Variants in TMEM132D observed in about 807,000 individuals in gnomAD.
TMEM132D encodes transmembrane protein 132D.
TMEM132D carries 21 observed loss-of-function variants against 62.3 expected under a neutral mutation model. The ratio of observed to expected loss-of-function variants is 0.34; its 90% confidence interval spans 0.24 to 0.49. TMEM132D has a LOEUF of 0.49. Ranked by LOEUF, TMEM132D falls within the 20% of genes least tolerant of loss-of-function variation. The pLI is 0.99. For synonymous variants in TMEM132D, 621 were observed against 575.6 expected (o/e 1.08, Z -1.13); for missense variants, 1,346 against 1,402.8 (o/e 0.96, Z 0.65).
At chr12:129,580,387 C>T (rs1877814325) in intron 2 of TMEM132D, among the ~76,000 whole-genome samples, 1 of 152,162 alleles carries the variant, frequency 6.6e-6, no homozygotes, top group Admixed American at 6.5e-5. Context: ...CCAAAGGTGT[C>T]CAACATGAAT....
chr12:129,860,669 C>T (rs1274094282), intron 1 of TMEM132D, among the ~76,000 whole-genome samples: 2 of 152,162 alleles, frequency 1.3e-5, no homozygotes, highest in African/African-American at 4.8e-5. Context: ...GCTATAAAAA[C>T]ATATCCGAGA....
At chr12:129,890,217 G>A (rs1340516386) in intron 1 of TMEM132D, among the ~76,000 whole-genome samples, 2 of 152,216 alleles carry the variant, frequency 1.3e-5, no homozygotes, top group Non-Finnish European at 2.9e-5. Context: ...CCTAGGTCCT[G>A]TTGAGCAGGT....
At chr12:129,830,312 T>A (rs1022627267) in intron 1 of TMEM132D, among the ~76,000 whole-genome samples, 1 of 152,082 alleles carries the variant, frequency 6.6e-6, no homozygotes, top group African/African-American at 2.4e-5. Context: ...AGAAGAGCTG[T>A]GAAAGGAAAA....
At position 129,779,476 on chromosome 12, in the gene TMEM132D, CTCA is replaced by C. The variant is rs1447015395; in HGVS notation, c.80-78781_80-78779del. On this transcript the variant is annotated intron_variant, in intron 1 of 8. Transcript: ENST00000422113. The surrounding 1 kb of genome is among the most constrained non-coding windows in gnomAD (Gnocchi z 4.1). Reference sequence around the variant, plus strand: ...AGCTAATATTTTGTAGAGATGAGGTCTCATCATATTGTCCCAGGCTGGTCTCAA... The same window carrying C: ...AGCTAATATTTTGTAGAGATGAGGTCTCATATTGTCCCAGGCTGGTCTCAA... 3.9e-5 allele frequency among the ~76,000 whole-genome samples: 6 copies of C among 152,110 alleles called. No homozygotes were observed. The highest frequency in any genetic ancestry group is 1.4e-4 in the African/African-American group (6 of 41,418).
At chr12:129,519,897 C>T (rs1369797524) in intron 3 of TMEM132D, among the ~76,000 whole-genome samples, 1 of 152,082 alleles carries the variant, frequency 6.6e-6, no homozygotes, top group African/African-American at 2.4e-5. Context: ...GTGTGAGCCA[C>T]CGCACCTGGC....
rs190384349 is a variant in TMEM132D, at chr12:129,127,588, G to A, written c.1444-42886C>T. 1.7e-3 allele frequency among the ~76,000 whole-genome samples: 262 copies of A among 152,148 alleles called. 2 individuals are homozygous for A. Among genetic ancestry groups the A allele is most frequent in the Non-Finnish European group, 3.4e-3 (231 of 67,992 alleles). On this transcript the variant is annotated intron_variant, in intron 5 of 8. Coordinates refer to ENST00000422113, the MANE Select transcript of TMEM132D (RefSeq NM_133448.3). ...CTCTGGGCATTCGCTAAATACAGGGGCCTTTAAAAAACACGTCTCCATTTG... is the reference window on the plus strand; with the variant it reads ...CTCTGGGCATTCGCTAAATACAGGGACCTTTAAAAAACACGTCTCCATTTG...
intron 5 of TMEM132D, among the ~76,000 whole-genome samples, chr12:129,206,279 A>G (rs1309244723): frequency 6.6e-6 from 1 of 152,226 alleles, no homozygotes; most frequent in African/African-American, 2.4e-5. Context: ...ACCCCACTGA[A>G]AAGTGAGCAA....
At chr12:129,291,036 A>C (rs1242638513) in intron 4 of TMEM132D, among the ~76,000 whole-genome samples, 1 of 152,214 alleles carries the variant, frequency 6.6e-6, no homozygotes, top group Non-Finnish European at 1.5e-5. Flanking sequence ...ATTTTCCTGG[A>C]CATGAATATT....
intron 1 of TMEM132D, among the ~76,000 whole-genome samples, chr12:129,802,177 A>G (rs1249376595): frequency 6.6e-6 from 1 of 151,572 alleles, no homozygotes; most frequent in East Asian, 1.9e-4. Context: ...AGACTCAGGA[A>G]ATACAGAGAA....
In TMEM132D at chr12:129,247,587, T is replaced by C. The variant is rs929977157; in HGVS notation, c.1300-37924A>G. 3.9e-5 allele frequency among the ~76,000 whole-genome samples: 6 copies of C among 152,340 alleles called. No individual in the cohort carries two copies. In the East Asian group the frequency reaches 1.2e-3, roughly 29 times the overall value. ...CTTCACAAAGACAGGAGACAAGACG[T>C]TGCTACAAATCATGCTGGTAAGAGT... On this transcript the variant is annotated intron_variant, in intron 4 of 8. Coordinates refer to ENST00000422113, the MANE Select transcript of TMEM132D (RefSeq NM_133448.3).
chr12:129,365,027 C>T (rs950912255), intron 3 of TMEM132D, among the ~76,000 whole-genome samples: 2 of 152,184 alleles, frequency 1.3e-5, no homozygotes, highest in African/African-American at 4.8e-5. Context: ...TCTACTCAGG[C>T]AATTCAACTG....
At chr12:129,571,953 G>C (rs1336092014) in intron 2 of TMEM132D, among the ~76,000 whole-genome samples, 1 of 152,138 alleles carries the variant, frequency 6.6e-6, no homozygotes, top group Non-Finnish European at 1.5e-5. Context: ...TGAGGATAAA[G>C]CTCAGTTGCT....
chr12:129,624,518 C>T (rs754025038), intron 2 of TMEM132D, among the ~76,000 whole-genome samples: 4 of 152,226 alleles, frequency 2.6e-5, no homozygotes, highest in Admixed American at 6.5e-5. Flanking sequence ...CATCAGAGCT[C>T]AGCTGGACCA....
intron 2 of TMEM132D, among the ~76,000 whole-genome samples, chr12:129,586,116 C>T (rs1446511083): frequency 1.3e-5 from 2 of 150,382 alleles, no homozygotes. Context: ...ATGTGTTCAC[C>T]TTAGTTCTTC....
intron 3 of TMEM132D, among the ~76,000 whole-genome samples, chr12:129,469,241 T>C (rs950957983): frequency 1.3e-5 from 2 of 152,212 alleles, no homozygotes; most frequent in African/African-American, 4.8e-5. Flanking sequence ...AATCAAGAGA[T>C]GAAAAGTGTC....
chr12:129,847,072 G>C (rs1873385986), intron 1 of TMEM132D, among the ~76,000 whole-genome samples: 1 of 152,238 alleles, frequency 6.6e-6, no homozygotes, highest in South Asian at 2.1e-4. Flanking sequence ...GGCAATTAGA[G>C]TAAGAGGAGA....
chr12:129,811,433 G>A (rs760361487), intron 1 of TMEM132D, among the ~76,000 whole-genome samples: 9 of 151,480 alleles, frequency 5.9e-5, no homozygotes, highest in Non-Finnish European at 1.0e-4. Context: ...CGGATACTCC[G>A]GGACCACATT....
chr12:129,341,792 G>C (rs1344360045), intron 3 of TMEM132D, among the ~76,000 whole-genome samples: 1 of 152,022 alleles, frequency 6.6e-6, no homozygotes, highest in Admixed American at 6.6e-5. Context: ...CAGACAAACA[G>C]AGAGCCAAAT....
intron 3 of TMEM132D, among the ~76,000 whole-genome samples, chr12:129,420,791 T>C (rs1044180109): frequency 6.6e-5 from 10 of 152,254 alleles, no homozygotes; most frequent in Non-Finnish European, 1.0e-4. Flanking sequence ...CCTTTTGACA[T>C]TGAACACTTC....
Sources: allele counts gnomAD v4.1 joint callset (sites outside exome capture counted in the v4.1 genomes callset), GRCh38; gene constraint gnomAD v4.1.1; non-coding constraint Gnocchi (gnomAD v3.1); transcripts MANE v1.5; gene names NCBI Gene and HGNC (gene_info 2026-07-23, HGNC 2026-07-21).